The following MGST1 variants were observed in gnomAD, a reference collection of about 807,000 sequenced individuals.
MGST1 encodes glutathione S-transferase 12.
MGST1 carries 5 observed loss-of-function variants against 8.9 expected under a neutral mutation model. That is an observed-to-expected ratio of 0.56 (90% confidence interval 0.29 to 1.19). The LOEUF (loss-of-function observed/expected upper bound fraction) is 1.19, where lower values mean the gene tolerates loss of function less well. Ranked by LOEUF, MGST1 falls within the 50% of genes most tolerant of loss-of-function variation. The probability of loss-of-function intolerance (pLI) is 0.08; values close to 1 mark genes in which losing one functional copy is unlikely to be tolerated. For synonymous variants in MGST1, 54 were observed against 67.8 expected, an observed-to-expected ratio of 0.80 and a Z score of 1.00; for missense variants, 182 against 187.4, an observed-to-expected ratio of 0.97 and a Z score of 0.17.
intron 1 of MGST1, among the ~76,000 whole-genome samples, chr12:16,386,077 C>T (rs1940501346): frequency 6.6e-6 from 1 of 152,122 alleles, no homozygotes; most frequent in Non-Finnish European, 1.5e-5. Context: ...TATTTCAGTT[C>T]CCTGTATGCC....
chr12:16,354,403 TCTTA>T, intron 2 of MGST1, 25 bp downstream of exon 2: 3 of 1,583,038 alleles, frequency 1.9e-6, no homozygotes, highest in Non-Finnish European at 2.6e-6. Context: ...GGTAATATTT[TCTTA>T]CTTTTAAGAG....
intron 4 of MGST1, among the ~76,000 whole-genome samples, chr12:16,493,293 C>CT (rs1177257490): frequency 3.3e-5 from 5 of 152,004 alleles, no homozygotes; most frequent in African/African-American, 7.2e-5. Flanking sequence ...TTGCATAAGC[C>CT]TTTTTTTGTT....
rs11056963 is a variant in MGST1, at chr12:16,507,833, C to A, written n.483-81695C>A. ...AATCACCTCCCATTAGCCCCCTCCC[C>A]CAACATTAGGGATTCCAATTCAACA... On this transcript the variant is annotated intron_variant and non_coding_transcript_variant, in intron 4 of 4. Coordinates refer to the MGST1 transcript ENST00000538857. Among the ~76,000 whole-genome samples, 1,229 of 152,178 alleles carry A rather than the reference C, an allele frequency of 8.1e-3. 47 individuals carry two copies. The East Asian group carries it at 0.14, about 17-fold the overall frequency.
At chr12:16,385,879 G>A (rs1019303867) in intron 1 of MGST1, among the ~76,000 whole-genome samples, 2 of 152,058 alleles carry the variant, frequency 1.3e-5, no homozygotes, top group African/African-American at 2.4e-5. Flanking sequence ...TACCTCTTAA[G>A]AGTCAAGTCT....
At position 16,527,699 on chromosome 12, in the gene MGST1, A is replaced by G. The variant is rs185116950; in HGVS notation, n.483-61829A>G. Among the ~76,000 whole-genome samples, 7 of 152,100 alleles carry G rather than the reference A, an allele frequency of 4.6e-5. No individual in the cohort carries two copies. In the East Asian group the frequency reaches 1.4e-3, roughly 29 times the overall value. ...GCTAAGACTACCAAACTTCAAGTGT[A>G]CATCATGGGGAATAATAATAATAAG... On this transcript the variant is annotated intron_variant and non_coding_transcript_variant, in intron 4 of 4. Coordinates refer to the MGST1 transcript ENST00000538857.
chr12:16,548,998 T>C lies in MGST1; in HGVS notation n.483-40530T>C, dbSNP rs1941889011. ...ACTTCAAGAAGCTGAGAGAAGTTTG[T>C]TCCCAATTTACAAGTATTTTGACAT... is the stretch of plus-strand genomic sequence containing the variant. On this transcript the variant is annotated intron_variant and non_coding_transcript_variant, in intron 4 of 4. Transcript: ENST00000538857. The surrounding 1 kb of genome is among the most constrained non-coding windows in gnomAD (Gnocchi z 4.2). 1 of 152,170 alleles carries C rather than the reference T, an allele frequency of 6.6e-6. No individual in the cohort carries two copies. Among genetic ancestry groups the C allele is most frequent in the African/African-American group, 2.4e-5 (1 of 41,430 alleles). The allele number at this position is 152,170 out of a possible 1,614,324, so 9.4% of individuals were successfully genotyped here.
intron 1 of MGST1, among the ~76,000 whole-genome samples, chr12:16,391,136 CTTCT>C (rs2137052052): frequency 9.7e-6 from 1 of 103,246 alleles, no homozygotes; most frequent in South Asian, 3.3e-4. Context: ...CCTTTGCCCA[CTTCT>C]TTTTTTTTTT....
At chr12:16,399,961 G>C in intron 1 of MGST1, 2 of 1,316,078 alleles carry the variant, frequency 1.5e-6, no homozygotes, top group Non-Finnish European at 2.2e-6. Context: ...ATTTACCAGC[G>C]CACTACTAGT....
At chr12:16,492,430 C>T (rs747587725) in intron 4 of MGST1, among the ~76,000 whole-genome samples, 12 of 152,092 alleles carry the variant, frequency 7.9e-5, no homozygotes, top group Non-Finnish European at 1.5e-4. Context: ...AGCCAATTGC[C>T]GTCTGACCTC....
At chr12:16,403,257 T>C (rs1842793852) in intron 1 of MGST1, among the ~76,000 whole-genome samples, 1 of 152,174 alleles carries the variant, frequency 6.6e-6, no homozygotes, top group Admixed American at 6.5e-5. Context: ...ATAGATCATA[T>C]AGACATGTGT....
At chr12:16,577,468 A>G (rs1298674975) in intron 4 of MGST1, among the ~76,000 whole-genome samples, 2 of 152,114 alleles carry the variant, frequency 1.3e-5, no homozygotes, top group African/African-American at 4.8e-5. Flanking sequence ...GCATTCCTAA[A>G]TATATTATTC....
At position 16,585,057 on chromosome 12, in the gene MGST1, T is replaced by A. The variant is rs950612877; in HGVS notation, n.483-4471T>A. Among the ~76,000 whole-genome samples, 3 of 152,172 alleles carry A rather than the reference T, an allele frequency of 2.0e-5. No individual in the cohort carries two copies. The highest frequency in any genetic ancestry group is 2.0e-4 in the Admixed American group (3 of 15,264). ...TTTACTGAAATATCTAGAAAAAATATCTGGTTTATCCAGAAAAATCAGCAA... is the reference window on the plus strand; with the variant it reads ...TTTACTGAAATATCTAGAAAAAATAACTGGTTTATCCAGAAAAATCAGCAA... On this transcript the variant is annotated intron_variant and non_coding_transcript_variant, in intron 4 of 4. Transcript: ENST00000538857. This position sits in a 1 kb window ranked among gnomAD's most constrained non-coding sequence, Gnocchi z 4.7.
At chr12:16,499,643 G>GT (rs112143393) in intron 4 of MGST1, among the ~76,000 whole-genome samples, 26,059 of 146,222 alleles carry the variant, frequency 0.18, 2,384 homozygotes, top group South Asian at 0.21. Context: ...ACCCAGAAGA[G>GT]TTTTTTTTTT....
chr12:16,407,073 A>G (rs559102942), intron 1 of MGST1, among the ~76,000 whole-genome samples: 10 of 152,352 alleles, frequency 6.6e-5, no homozygotes, highest in African/African-American at 2.2e-4. Context: ...ATCTAATTAA[A>G]CTTAAGAGCT....
At chr12:16,373,625 C>T (rs193123298) in intron 3 of MGST1, among the ~76,000 whole-genome samples, 1 of 151,982 alleles carries the variant, frequency 6.6e-6, no homozygotes, top group Non-Finnish European at 1.5e-5. Flanking sequence ...TTGTCAACTC[C>T]TGATCTATAC....
chr12:16,489,011 G>A (rs1175374155), intron 4 of MGST1, among the ~76,000 whole-genome samples: 2 of 152,152 alleles, frequency 1.3e-5, no homozygotes, highest in Admixed American at 1.3e-4. Context: ...TCAGAAGGCT[G>A]ATGTGGGAGG....
At chr12:16,465,545 C>T (rs747882140) in intron 4 of MGST1, among the ~76,000 whole-genome samples, 66 of 152,068 alleles carry the variant, frequency 4.3e-4, no homozygotes, top group Non-Finnish European at 1.5e-4. Flanking sequence ...GGAGCCGAAC[C>T]CTATTGTAAA....
chr12:16,455,748 C>T (rs1310339033), intron 4 of MGST1, among the ~76,000 whole-genome samples: 1 of 151,758 alleles, frequency 6.6e-6, no homozygotes, highest in Non-Finnish European at 1.5e-5. Flanking sequence ...AAGAAAGTTA[C>T]ATTTATAATG....
At chr12:16,563,932 G>C (rs554173628) in intron 4 of MGST1, among the ~76,000 whole-genome samples, 6 of 152,262 alleles carry the variant, frequency 3.9e-5, no homozygotes, top group South Asian at 2.1e-4. Flanking sequence ...TTATGGGCTA[G>C]ATTTTTCCCT....
Sources: gnomAD v4.1 joint callset for allele counts (sites outside exome capture counted in the v4.1 genomes callset) on GRCh38, gnomAD v4.1.1 for gene constraint, Gnocchi (gnomAD v3.1) non-coding constraint, MANE v1.5 for transcripts, NCBI Gene and HGNC (gene_info 2026-07-23, HGNC 2026-07-21) for gene names.